The following FGF7 variants were observed in gnomAD, a reference collection of about 807,000 sequenced individuals.
FGF7 encodes the protein FGF-7.
In FGF7, 6 loss-of-function variants were observed where a neutral mutation model predicts 20.5. The ratio of observed to expected loss-of-function variants is 0.29; its 90% confidence interval spans 0.16 to 0.58. FGF7 has a LOEUF of 0.58. Among genes scored for constraint, FGF7 ranks in the 20% least tolerant of loss-of-function variants. The pLI, the probability that FGF7 is intolerant of heterozygous loss-of-function variation, is 0.90. For synonymous variants in FGF7, 64 were observed against 74.7 expected (o/e 0.86, Z 0.74); for missense variants, 144 against 228.8 (o/e 0.63, Z 2.39).
chr15:49,487,441 A>C lies in FGF7; in HGVS notation c.*2937A>C. On this transcript the variant is annotated 3_prime_UTR_variant, in exon 4 of 4. Transcript: ENST00000267843. ...TATAAATTATAATATAAAAAATAAAAACCATAGTATAAATTGTCAGCCTTT... is the reference window on the plus strand; with the variant it reads ...TATAAATTATAATATAAAAAATAAACACCATAGTATAAATTGTCAGCCTTT... 1 of 151,876 alleles carries C rather than the reference A, an allele frequency of 6.6e-6. No individual in the cohort carries two copies. The highest frequency in any genetic ancestry group is 1.5e-5 in the Non-Finnish European group (1 of 67,902). 9.4% of individuals were successfully genotyped at this position (151,876 alleles called of 1,614,324 possible). A position where few individuals can be genotyped will look rare whatever the true frequency, so the allele number is the denominator to read the frequency against.
chr15:49,438,915 G>T (rs1276052440), intron 2 of FGF7, among the ~76,000 whole-genome samples: 1 of 151,328 alleles, frequency 6.6e-6, no homozygotes, highest in Non-Finnish European at 1.5e-5. Context: ...GAGAGAGAGA[G>T]AAAATTAGTT....
At chr15:49,463,425 G>A (rs2053979827) in intron 2 of FGF7, among the ~76,000 whole-genome samples, 1 of 151,790 alleles carries the variant, frequency 6.6e-6, no homozygotes, top group African/African-American at 2.4e-5. Context: ...GTGGTGATGG[G>A]CGCCTGTAAT....
In FGF7 at chr15:49,438,549, T is replaced by A. The variant is rs1260561723; in HGVS notation, c.286+13966T>A. On this transcript the variant is annotated intron_variant, in intron 2 of 3. Coordinates refer to ENST00000267843, the MANE Select transcript of FGF7 (RefSeq NM_002009.4). ...ATCACACCAATAGCATTATTTTGTATAAATATTAATACACATTATATATAG... is the reference window on the plus strand; with the variant it reads ...ATCACACCAATAGCATTATTTTGTAAAAATATTAATACACATTATATATAG... Among the ~76,000 whole-genome samples the A allele has an allele frequency of 4.0e-5, 6 of 151,402 alleles. No homozygotes were observed. In the East Asian group the frequency reaches 1.2e-3, roughly 30 times the overall value.
In FGF7 at chr15:49,488,271, G is replaced by A. The variant is rs1394315231; in HGVS notation, c.*3767G>A. The A allele has an allele frequency of 6.6e-6, 1 of 151,942 alleles. No homozygotes were observed. Among genetic ancestry groups the A allele is most frequent in the African/African-American group, 2.4e-5 (1 of 41,402 alleles). 9.4% of individuals were successfully genotyped at this position (151,942 alleles called of 1,614,324 possible). A position where few individuals can be genotyped will look rare whatever the true frequency, so the allele number is the denominator to read the frequency against. On this transcript the variant is annotated 3_prime_UTR_variant, in exon 4 of 4. Coordinates refer to ENST00000267843, the MANE Select transcript of FGF7 (RefSeq NM_002009.4). ...TGTAACTATTTCAGCATTGTTGTCA[G>A]CTACTCTTTATTCCACTTCTGTACA...
At chr15:49,433,111 G>C (rs2050762242) in intron 2 of FGF7, among the ~76,000 whole-genome samples, 1 of 150,990 alleles carries the variant, frequency 6.6e-6, no homozygotes, top group Admixed American at 6.6e-5. Context: ...ATAATCTGAT[G>C]AAAGGACTAC....
Position 49,486,211 on chromosome 15 carries a change from T to A in FGF7, c.*1707T>A, listed in dbSNP as rs1033071723. The A allele has an allele frequency of 1.1e-4, 16 of 152,202 alleles. No homozygotes were observed. The highest frequency in any genetic ancestry group is 3.8e-4 in the African/African-American group (16 of 41,568). 9.4% of individuals were successfully genotyped at this position (152,202 alleles called of 1,614,324 possible). ...AATACATTTATAGATGAGAGTTATATGAAAAGGCTAGGTCAACAAAAACAA... is the reference window on the plus strand; with the variant it reads ...AATACATTTATAGATGAGAGTTATAAGAAAAGGCTAGGTCAACAAAAACAA... On this transcript the variant is annotated 3_prime_UTR_variant, in exon 4 of 4. Transcript: ENST00000267843.
intron 2 of FGF7, among the ~76,000 whole-genome samples, chr15:49,446,468 A>G (rs1408330758): frequency 2.6e-5 from 4 of 151,638 alleles, no homozygotes; most frequent in Admixed American, 2.6e-4. Context: ...AGGAGTGATA[A>G]GGAGACTGAA....
intron 2 of FGF7, among the ~76,000 whole-genome samples, chr15:49,454,722 G>A (rs2053110415): frequency 1.3e-5 from 2 of 152,248 alleles, no homozygotes; most frequent in South Asian, 4.1e-4. Flanking sequence ...CGATTCTCCT[G>A]CCTCAGCCTC....
At chr15:49,449,130 G>A (rs2052493127) in intron 2 of FGF7, among the ~76,000 whole-genome samples, 1 of 151,940 alleles carries the variant, frequency 6.6e-6, no homozygotes, top group African/African-American at 2.4e-5. Flanking sequence ...GATACCTTCA[G>A]TCTGTAGAGA....
At chr15:49,425,235 T>C (rs987673374) in intron 2 of FGF7, 2 of 151,976 alleles carry the variant, frequency 1.3e-5, no homozygotes, top group Non-Finnish European at 2.9e-5. Context: ...AAAAGTTCTG[T>C]GCTATCTTAA....
intron 2 of FGF7, among the ~76,000 whole-genome samples, chr15:49,479,597 C>CTTTTT (rs1567359064): frequency 2.9e-5 from 3 of 102,076 alleles, no homozygotes; most frequent in East Asian, 3.4e-4. Flanking sequence ...GTTAATACCT[C>CTTTTT]TGTTTTTTTT....
In FGF7 at chr15:49,430,915, G is replaced by T. The variant is rs570252603; in HGVS notation, c.286+6332G>T. On this transcript the variant is annotated intron_variant, in intron 2 of 3. Transcript: ENST00000267843. Reference sequence around the variant, plus strand: ...AAGGGTCTATCCAGATCAGAGAAAAGACATAAAGCTAGAGGACTGTTCTCT... The same window carrying T: ...AAGGGTCTATCCAGATCAGAGAAAATACATAAAGCTAGAGGACTGTTCTCT... 9.4e-4 allele frequency among the ~76,000 whole-genome samples: 143 copies of T among 151,836 alleles called. 5 individuals are homozygous for T. In the South Asian group the frequency reaches 0.027, roughly 29 times the overall value.
intron 2 of FGF7, among the ~76,000 whole-genome samples, chr15:49,457,877 CT>C (rs34760336): frequency 0.053 from 8,006 of 151,932 alleles, 364 homozygotes; most frequent in East Asian, 0.24. Flanking sequence ...TTAAATGAAT[CT>C]AATCATTTTT....
rs1331494409 is a variant in FGF7, at chr15:49,486,965, A to G, written c.*2461A>G. ...CCTAAGGTCACGCAGCTGGGTAGAT[A>G]TACAGCTGTCACAAGAGTCTAGATC... On this transcript the variant is annotated 3_prime_UTR_variant, in exon 4 of 4. Coordinates refer to ENST00000267843, the MANE Select transcript of FGF7 (RefSeq NM_002009.4). 6.6e-6 allele frequency: 1 copy of G among 151,980 alleles called. No individual in the cohort carries two copies. The highest frequency in any genetic ancestry group is 2.4e-5 in the African/African-American group (1 of 41,442). 9.4% of individuals were successfully genotyped at this position (151,980 alleles called of 1,614,324 possible).
At chr15:49,441,212 A>G (rs1567280869) in intron 2 of FGF7, among the ~76,000 whole-genome samples, 1 of 151,670 alleles carries the variant, frequency 6.6e-6, no homozygotes, top group Non-Finnish European at 1.5e-5. Flanking sequence ...GCCTCACCAA[A>G]CAATACTGCC....
intron 2 of FGF7, among the ~76,000 whole-genome samples, chr15:49,462,193 A>C (rs982650407): frequency 3.3e-5 from 5 of 152,178 alleles, no homozygotes; most frequent in Non-Finnish European, 1.5e-5. Context: ...GGGATGACTT[A>C]GGAGGATCTG....
chr15:49,450,680 CCT>C (rs2052641859), intron 2 of FGF7, among the ~76,000 whole-genome samples: 1 of 152,112 alleles, frequency 6.6e-6, no homozygotes, highest in South Asian at 2.1e-4. Context: ...CTTCCTTATG[CCT>C]CTTGATTCCC....
In FGF7 at chr15:49,486,407, G is replaced by A. The variant is rs1181732688; in HGVS notation, c.*1903G>A. 1 of 151,948 alleles carries A rather than the reference G, an allele frequency of 6.6e-6. No homozygotes were observed. Among genetic ancestry groups the A allele is most frequent in the Non-Finnish European group, 1.5e-5 (1 of 67,914 alleles). 9.4% of individuals were successfully genotyped at this position (151,948 alleles called of 1,614,324 possible). A position where few individuals can be genotyped will look rare whatever the true frequency, so the allele number is the denominator to read the frequency against. On this transcript the variant is annotated 3_prime_UTR_variant, in exon 4 of 4. Transcript: ENST00000267843. ...GTTTTGAGGTCAGGCTTCAGTAACT[G>A]TAGTCTTGTGAGCATATTGAGGGCA...
At chr15:49,471,483 A>AT (rs2151966643) in intron 2 of FGF7, among the ~76,000 whole-genome samples, 1 of 106,002 alleles carries the variant, frequency 9.4e-6, no homozygotes, top group African/African-American at 3.3e-5. Context: ...ACTCTATCTC[A>AT]AAATAATAAT....
Sources: gnomAD v4.1 joint callset for allele counts (sites outside exome capture counted in the v4.1 genomes callset) on GRCh38, gnomAD v4.1.1 for gene constraint, MANE v1.5 for transcripts, NCBI Gene and HGNC (gene_info 2026-07-23, HGNC 2026-07-21) for gene names.